The following CELF2 variants were observed in gnomAD, a reference collection of about 807,000 sequenced individuals.
The protein encoded by CELF2 is CUGBP Elav-like family member 2, also known as CUG triplet repeat RNA-binding protein 2.
A neutral mutation model predicts 62.6 loss-of-function variants in CELF2; 8 were observed. That is an observed-to-expected ratio of 0.13 (90% CI 0.07 to 0.23). CELF2 has a LOEUF of 0.23. Ranked by LOEUF, CELF2 falls within the 10% of genes least tolerant of loss-of-function variation. CELF2 has a pLI of 1.00. For synonymous variants in CELF2, 258 were observed against 250.0 expected, an observed-to-expected ratio of 1.03 and a Z score of -0.30; for missense variants, 333 against 671.0, an observed-to-expected ratio of 0.50 and a Z score of 5.56.
At chr10:10,777,907 G>A in the CELF2 span, among the ~76,000 whole-genome samples, 1 of 152,114 alleles carries the variant, frequency 6.6e-6, no homozygotes, top group Non-Finnish European at 1.5e-5. Flanking sequence ...CTGCACAGCT[G>A]TTCTGTCTGC....
At chr10:10,950,320 A>T (rs1456941848) in intron 2 of CELF2, among the ~76,000 whole-genome samples, 1 of 151,900 alleles carries the variant, frequency 6.6e-6, no homozygotes, top group Non-Finnish European at 1.5e-5. Flanking sequence ...GGCCACTCTC[A>T]TGTGCTTCTC....
Position 11,260,891 on chromosome 10 carries a change from G to T in CELF2, c.538+3019G>T, listed in dbSNP as rs966576960. Among the ~76,000 whole-genome samples the T allele has an allele frequency of 1.3e-5, 2 of 152,120 alleles. No individual in the cohort carries two copies. The highest frequency in any genetic ancestry group is 6.5e-5 in the Admixed American group (1 of 15,274). ...CAATTCTCTTTCATGCTACCATTTT[G>T]CTTTCATTAAAGAATTGCAGTTTTG... is the stretch of plus-strand genomic sequence containing the variant. On this transcript the variant is annotated intron_variant, in intron 5 of 12. Coordinates refer to ENST00000633077, the MANE Select transcript of CELF2 (RefSeq NM_001326342.2). The surrounding 1 kb of genome is among the most constrained non-coding windows in gnomAD (Gnocchi z 4.2).
chr10:11,295,942 C>T (rs2093124277), intron 9 of CELF2, among the ~76,000 whole-genome samples: 5 of 152,118 alleles, frequency 3.3e-5, no homozygotes, highest in Non-Finnish European at 7.4e-5. Context: ...GCAGTTGGTG[C>T]AATGCCCCAA....
chr10:10,575,298 G>A, the CELF2 span, among the ~76,000 whole-genome samples: 6 of 152,122 alleles, frequency 3.9e-5, no homozygotes, highest in Non-Finnish European at 8.8e-5. Context: ...ACTCATGGAA[G>A]GAGCCTGAGC....
At chr10:10,884,785 C>T (rs886239942) in intron 1 of CELF2, among the ~76,000 whole-genome samples, 15 of 152,204 alleles carry the variant, frequency 9.9e-5, no homozygotes, top group African/African-American at 3.6e-4. Flanking sequence ...AGCCTTTGCA[C>T]TTCTATACAG....
the CELF2 span, among the ~76,000 whole-genome samples, chr10:10,580,043 T>C: frequency 6.6e-6 from 1 of 152,292 alleles, no homozygotes; most frequent in African/African-American, 2.4e-5. Context: ...AATTATCTTC[T>C]CCTTCTACAC....
At chr10:10,922,452 A>G (rs2065010646) in intron 2 of CELF2, among the ~76,000 whole-genome samples, 2 of 152,206 alleles carry the variant, frequency 1.3e-5, no homozygotes, top group Admixed American at 6.5e-5. Context: ...GACCACCTCT[A>G]TGTTGTCAGA....
At chr10:10,804,190 C>G (rs1363232154) in intron 1 of CELF2, among the ~76,000 whole-genome samples, 2 of 152,182 alleles carry the variant, frequency 1.3e-5, no homozygotes, top group Non-Finnish European at 2.9e-5. Flanking sequence ...CATCAAGGGC[C>G]AGATGATGAA....
At chr10:11,219,269 G>A (rs1389343407) in intron 3 of CELF2, among the ~76,000 whole-genome samples, 2 of 152,228 alleles carry the variant, frequency 1.3e-5, no homozygotes, top group Admixed American at 1.3e-4. Context: ...GGGGCATGTT[G>A]AAATGCATGA....
At chr10:10,942,640 A>C (rs567519551) in intron 2 of CELF2, among the ~76,000 whole-genome samples, 10 of 152,222 alleles carry the variant, frequency 6.6e-5, no homozygotes, top group Admixed American at 2.6e-4. Context: ...ATTATAAATG[A>C]GTCATGAGGT....
intron 1 of CELF2, among the ~76,000 whole-genome samples, chr10:11,036,509 C>G (rs2060972373): frequency 6.6e-6 from 1 of 152,246 alleles, no homozygotes; most frequent in African/African-American, 2.4e-5. Flanking sequence ...TTTCCCTAAT[C>G]TTATCTTTTG....
At chr10:11,044,831 T>C (rs2062525320) in intron 1 of CELF2, among the ~76,000 whole-genome samples, 1 of 152,332 alleles carries the variant, frequency 6.6e-6, no homozygotes, top group South Asian at 2.1e-4. Flanking sequence ...GAGAATCTTA[T>C]CTAAAACATG....
chr10:10,473,342 TA>T, the CELF2 span, among the ~76,000 whole-genome samples: 1 of 151,908 alleles, frequency 6.6e-6, no homozygotes. Context: ...TAGGAAAAGG[TA>T]AGAGTTTCTT....
intron 1 of CELF2, among the ~76,000 whole-genome samples, chr10:10,903,760 T>C (rs912612809): frequency 6.6e-6 from 1 of 152,196 alleles, no homozygotes; most frequent in African/African-American, 2.4e-5. Flanking sequence ...TCAGGGATAC[T>C]GGAGTACAGC....
rs537115306 is a variant in CELF2 at position 11,200,729 on chromosome 10, A to G, written c.272-16696A>G. ...GCTGGTAGGTTGGAGAAGCAGTCCAAGGGGATGGAGATAAGCCTCAGCTAC... is the reference window on the plus strand; with the variant it reads ...GCTGGTAGGTTGGAGAAGCAGTCCAGGGGGATGGAGATAAGCCTCAGCTAC... On this transcript the variant is annotated intron_variant, in intron 2 of 12. Coordinates refer to ENST00000633077, the MANE Select transcript of CELF2 (RefSeq NM_001326342.2). Among the ~76,000 whole-genome samples the G allele has an allele frequency of 1.2e-4, 19 of 152,346 alleles. No homozygotes were observed. In the South Asian group the frequency reaches 3.9e-3, roughly 32 times the overall value.
At chr10:10,678,422 G>A in the CELF2 span, among the ~76,000 whole-genome samples, 1 of 152,082 alleles carries the variant, frequency 6.6e-6, no homozygotes, top group Non-Finnish European at 1.5e-5. Context: ...TTTGCAGCTG[G>A]TCTTTGCTAC....
At chr10:10,897,554 T>A (rs1293220773) in intron 1 of CELF2, among the ~76,000 whole-genome samples, 2 of 152,102 alleles carry the variant, frequency 1.3e-5, no homozygotes, top group Non-Finnish European at 2.9e-5. Context: ...CTCCAGACAA[T>A]GTGGCCAAGG....
chr10:10,764,716 A>AAT, the CELF2 span, among the ~76,000 whole-genome samples: 1 of 152,188 alleles, frequency 6.6e-6, no homozygotes, highest in Admixed American at 6.5e-5. Flanking sequence ...TCATGCCAAT[A>AAT]CTTTACTTGG....
the CELF2 span, among the ~76,000 whole-genome samples, chr10:10,584,409 T>C: frequency 6.6e-6 from 1 of 152,176 alleles, no homozygotes; most frequent in Non-Finnish European, 1.5e-5. Flanking sequence ...TGCACACAGT[T>C]TGAACACTCA....
Sources: gnomAD v4.1 joint callset for allele counts (sites outside exome capture counted in the v4.1 genomes callset) on GRCh38, gnomAD v4.1.1 for gene constraint, Gnocchi (gnomAD v3.1) non-coding constraint, MANE v1.5 for transcripts, NCBI Gene and HGNC (gene_info 2026-07-23, HGNC 2026-07-21) for gene names.